FBXL7: variants seen among roughly 807,000 people sequenced by gnomAD.
FBXL7 encodes the protein F-box/LRR-repeat protein 7.
In FBXL7, 12 loss-of-function variants were observed where a neutral mutation model predicts 38.3. The ratio of observed to expected loss-of-function variants is 0.31; its 90% confidence interval spans 0.20 to 0.51. The LOEUF is 0.51. FBXL7 is among the 20% of genes least tolerant of loss of function. The pLI, the probability that FBXL7 is intolerant of heterozygous loss-of-function variation, is 0.98. For synonymous variants in FBXL7, 297 were observed against 300.9 expected (o/e 0.99, Z 0.13); for missense variants, 567 against 676.4 (o/e 0.84, Z 1.79).
chr5:15,875,687 C>G (rs1320215556), intron 2 of FBXL7, among the ~76,000 whole-genome samples: 1 of 152,162 alleles, frequency 6.6e-6, no homozygotes, highest in African/African-American at 2.4e-5. Flanking sequence ...AAATGCAAAT[C>G]AAAACCACAA....
At chr5:15,593,489 A>AC (rs1301742014) in intron 1 of FBXL7, among the ~76,000 whole-genome samples, 2 of 151,770 alleles carry the variant, frequency 1.3e-5, no homozygotes, top group Non-Finnish European at 2.9e-5. Flanking sequence ...GCCCCACTGC[A>AC]CTCTAGTCTG....
intron 2 of FBXL7, among the ~76,000 whole-genome samples, chr5:15,892,976 C>T (rs1740970013): frequency 2.0e-5 from 3 of 151,966 alleles, no homozygotes; most frequent in South Asian, 2.1e-4. Flanking sequence ...ATTAGCTGGG[C>T]GTGGTGGTGG....
At chr5:15,635,770 T>C (rs1741159464) in intron 2 of FBXL7, among the ~76,000 whole-genome samples, 1 of 152,052 alleles carries the variant, frequency 6.6e-6, no homozygotes, top group Non-Finnish European at 1.5e-5. Flanking sequence ...ACACGGTACT[T>C]TGAGAGAGGA....
At chr5:15,734,458 G>A (rs1231717592) in intron 2 of FBXL7, among the ~76,000 whole-genome samples, 2 of 152,208 alleles carry the variant, frequency 1.3e-5, no homozygotes, top group Admixed American at 6.5e-5. Flanking sequence ...GAACAATGTG[G>A]ATTATTGTAA....
At chr5:15,828,349 A>G (rs1421544137) in intron 2 of FBXL7, among the ~76,000 whole-genome samples, 3 of 152,200 alleles carry the variant, frequency 2.0e-5, no homozygotes, top group Non-Finnish European at 4.4e-5. Context: ...CTTTAGTATA[A>G]ATATATCTCA....
chr5:15,580,046 C>G (rs1309560685), intron 1 of FBXL7, among the ~76,000 whole-genome samples: 1 of 152,074 alleles, frequency 6.6e-6, no homozygotes, highest in Non-Finnish European at 1.5e-5. Context: ...TGTTTAAGCT[C>G]TAACCCCCAA....
chr5:15,546,888 G>C (rs1410439546), intron 1 of FBXL7, among the ~76,000 whole-genome samples: 1 of 152,182 alleles, frequency 6.6e-6, no homozygotes, highest in Non-Finnish European at 1.5e-5. Context: ...GTAGGGGAGA[G>C]TGCATAGAGG....
intron 1 of FBXL7, among the ~76,000 whole-genome samples, chr5:15,561,748 C>T (rs2126438109): frequency 6.6e-6 from 1 of 152,148 alleles, no homozygotes; most frequent in African/African-American, 2.4e-5. Context: ...AACAGCCATC[C>T]TAACAGGCAT....
At chr5:15,791,746 G>A (rs928260275) in intron 2 of FBXL7, among the ~76,000 whole-genome samples, 11 of 152,088 alleles carry the variant, frequency 7.2e-5, no homozygotes, top group Admixed American at 7.2e-4. Flanking sequence ...GGAGATGCTG[G>A]ATAGTAAATA....
At chr5:15,813,166 G>C (rs968135033) in intron 2 of FBXL7, among the ~76,000 whole-genome samples, 1 of 152,086 alleles carries the variant, frequency 6.6e-6, no homozygotes, top group African/African-American at 2.4e-5. Flanking sequence ...CCAATACTAT[G>C]TTGAATAGGA....
intron 2 of FBXL7, among the ~76,000 whole-genome samples, chr5:15,752,131 A>G (rs371898749): frequency 6.7e-6 from 1 of 150,354 alleles, no homozygotes. Context: ...TGTACTGGTG[A>G]AAACACAAAA....
chr5:15,528,406 C>A (rs192565302), intron 1 of FBXL7, among the ~76,000 whole-genome samples: 13 of 152,234 alleles, frequency 8.5e-5, no homozygotes, highest in Admixed American at 2.6e-4. Context: ...CATTTTCATG[C>A]TGCTGATAAA....
intron 2 of FBXL7, among the ~76,000 whole-genome samples, chr5:15,796,278 A>G (rs2126736257): frequency 6.6e-6 from 1 of 152,342 alleles, no homozygotes; most frequent in Non-Finnish European, 1.5e-5. Context: ...CTCTAACATT[A>G]GAGGGTGGAA....
chr5:15,878,485 C>T (rs933195508), intron 2 of FBXL7, among the ~76,000 whole-genome samples: 2 of 152,118 alleles, frequency 1.3e-5, no homozygotes, highest in Non-Finnish European at 2.9e-5. Flanking sequence ...ATCTTCATAG[C>T]CCAGGAGAAA....
At chr5:15,861,864 C>T (rs1402942662) in intron 2 of FBXL7, among the ~76,000 whole-genome samples, 1 of 152,162 alleles carries the variant, frequency 6.6e-6, no homozygotes, top group East Asian at 1.9e-4. Context: ...CTCCATTTGT[C>T]TAAGGACCTA....
chr5:15,645,314 A>G (rs559499948), intron 2 of FBXL7, among the ~76,000 whole-genome samples: 2 of 152,098 alleles, frequency 1.3e-5, no homozygotes, highest in East Asian at 3.9e-4. Flanking sequence ...ACTCAAAGTC[A>G]CCCCTCTGCT....
chr5:15,813,775 A>T (rs1420710744), intron 2 of FBXL7, among the ~76,000 whole-genome samples: 1 of 152,248 alleles, frequency 6.6e-6, no homozygotes, highest in African/African-American at 2.4e-5. Context: ...AAGGATATGA[A>T]CAGACACTTC....
At chr5:15,738,272 G>T (rs559302522) in intron 2 of FBXL7, among the ~76,000 whole-genome samples, 1 of 152,156 alleles carries the variant, frequency 6.6e-6, no homozygotes, top group African/African-American at 2.4e-5. Flanking sequence ...TGCTTATGAT[G>T]AGAAGTAAAA....
chr5:15,596,190 T>C (rs1739620310), intron 1 of FBXL7, among the ~76,000 whole-genome samples: 1 of 152,208 alleles, frequency 6.6e-6, no homozygotes, highest in South Asian at 2.1e-4. Flanking sequence ...TGAATGGTCA[T>C]GCCAAAACCG....
Sources: gnomAD v4.1 joint callset for allele counts (sites outside exome capture counted in the v4.1 genomes callset) on GRCh38, gnomAD v4.1.1 for gene constraint, MANE v1.5 for transcripts, NCBI Gene and HGNC (gene_info 2026-07-23, HGNC 2026-07-21) for gene names.